Variants in UEVLD observed in about 807,000 individuals in gnomAD.
The protein encoded by UEVLD is UEV and lactate/malate dehyrogenase domains, also known as ubiquitin-conjugating enzyme E2 variant 3.
Under a neutral mutation model 58.6 loss-of-function variants are expected in UEVLD, and 47 were observed. The ratio of observed to expected loss-of-function variants is 0.80; its 90% CI spans 0.63 to 1.02. The LOEUF (loss-of-function observed/expected upper bound fraction) is 1.02. UEVLD is among the 50% of genes least tolerant of loss of function. The probability of loss-of-function intolerance (pLI) is 0.00; values close to 1 mark genes in which losing one functional copy is unlikely to be tolerated. For missense variants in UEVLD, 510 were observed against 550.6 expected, an observed-to-expected ratio of 0.93 and a Z score of 0.74; for synonymous variants, 197 against 195.3, an observed-to-expected ratio of 1.01 and a Z score of -0.07.
intron 3 of UEVLD, chr11:18,570,854 T>C (rs1020732042): frequency 7.3e-5 from 11 of 151,634 alleles, no homozygotes; most frequent in African/African-American, 2.7e-4. Flanking sequence ...CACATTCACA[T>C]TGGAAATATG....
In UEVLD at chr11:18,572,104, C is replaced by T. The variant is rs528018518; in HGVS notation, c.194-1727G>A. Among the ~76,000 whole-genome samples the T allele has an allele frequency of 3.3e-5, 5 of 152,068 alleles. No individual in the cohort carries two copies. The South Asian group carries it at 6.2e-4, about 19-fold the overall frequency. On this transcript the variant is annotated intron_variant, in intron 3 of 11. Transcript: ENST00000396197. ...ACAAAAAATTAGCCAGGTGTGGTGG[C>T]GGGCACCTGTAGTCCCAGCTCCTCA...
chr11:18,537,665 A>G (rs1343876093), intron 9 of UEVLD, among the ~76,000 whole-genome samples: 1 of 150,874 alleles, frequency 6.6e-6, no homozygotes, highest in Non-Finnish European at 1.5e-5. Context: ...TAATATTATT[A>G]TTATTATTAT....
intron 1 of UEVLD, among the ~76,000 whole-genome samples, chr11:18,586,964 G>A (rs1490427665): frequency 6.6e-6 from 1 of 152,126 alleles, no homozygotes; most frequent in Non-Finnish European, 1.5e-5. Context: ...CCCAGGAGGC[G>A]GAGATGGCAG....
intron 6 of UEVLD, among the ~76,000 whole-genome samples, chr11:18,560,121 A>ACG: frequency 1.1e-5 from 1 of 87,976 alleles, no homozygotes; most frequent in Non-Finnish European, 2.3e-5. Context: ...ACACACACAC[A>ACG]CACACACACA....
chr11:18,583,282 G>A (rs570359108), intron 1 of UEVLD, among the ~76,000 whole-genome samples: 101 of 146,446 alleles, frequency 6.9e-4, no homozygotes, highest in Non-Finnish European at 1.1e-3. Flanking sequence ...GTGCAGTGGC[G>A]CTATCTTGGC....
At chr11:18,559,402 T>C (rs977705383) in intron 6 of UEVLD, among the ~76,000 whole-genome samples, 1 of 152,072 alleles carries the variant, frequency 6.6e-6, no homozygotes, top group African/African-American at 2.4e-5. Context: ...TTTCACCATG[T>C]TGGCTAGGCT....
At chr11:18,562,058 G>A (rs1418864357) in intron 6 of UEVLD, among the ~76,000 whole-genome samples, 1 of 152,072 alleles carries the variant, frequency 6.6e-6, no homozygotes, top group Non-Finnish European at 1.5e-5. Flanking sequence ...ATTGTACTTT[G>A]TATCAAAATA....
rs866167096 is a variant in UEVLD, at chr11:18,538,149, T to C, written c.1061-1680A>G. The stretch of plus-strand genomic sequence containing the variant: ...AAGAATTCTAAACTACATTCAAAAT[T>C]AGACCACTTAGTCATGTGTCAGCAA... On this transcript the variant is annotated intron_variant, in intron 9 of 11. Coordinates refer to ENST00000396197, the MANE Select transcript of UEVLD (RefSeq NM_001040697.4). Among the ~76,000 whole-genome samples the C allele has an allele frequency of 4.6e-5, 7 of 152,224 alleles. No homozygotes were observed. The South Asian group carries it at 1.0e-3, about 23-fold the overall frequency.
rs1852303594 is a variant in UEVLD, at chr11:18,566,403, G to T, written c.437C>A (p.Ser146Ter). ...QEELPMYSLS[S>*]SDEARQVDLL... ...GTCTACCTGCCGTGCCTCATCAGAT[G>T]ATGATAGAGAATACATGGGAAGTTC... is the stretch of plus-strand genomic sequence containing the variant. The change falls in exon 5 of 12, where the codon TCA becomes TAA. Residue 146 changes from serine to a stop codon, truncating the protein, a stop_gained. Transcript: ENST00000396197. LOFTEE classifies it high-confidence loss of function. 6.2e-7 allele frequency: 1 copy of T among 1,614,122 alleles called. No homozygotes were observed. The highest frequency in any genetic ancestry group is 8.5e-7 in the Non-Finnish European group (1 of 1,180,022).
chr11:18,548,420 G>A (rs1270222338), intron 7 of UEVLD, among the ~76,000 whole-genome samples: 1 of 152,054 alleles, frequency 6.6e-6, no homozygotes, highest in African/African-American at 2.4e-5. Flanking sequence ...AAGCCTCTAA[G>A]GCCATCTTTC....
chr11:18,584,173 G>A (rs1853415761), intron 1 of UEVLD, among the ~76,000 whole-genome samples: 1 of 152,114 alleles, frequency 6.6e-6, no homozygotes, highest in South Asian at 2.1e-4. Flanking sequence ...GAGGCCAGTA[G>A]TTTTGAGACC....
At chr11:18,572,253 A>G (rs922357102) in intron 3 of UEVLD, among the ~76,000 whole-genome samples, 1 of 152,154 alleles carries the variant, frequency 6.6e-6, no homozygotes, top group Non-Finnish European at 1.5e-5. Flanking sequence ...AAGTAAAAGA[A>G]AAAAAGATTA....
At chr11:18,579,211 A>G (rs1853105232) in intron 1 of UEVLD, among the ~76,000 whole-genome samples, 1 of 152,120 alleles carries the variant, frequency 6.6e-6, no homozygotes, top group Non-Finnish European at 1.5e-5. Flanking sequence ...GTAGGCCCTG[A>G]GCTCTGCAAA....
intron 6 of UEVLD, among the ~76,000 whole-genome samples, chr11:18,558,634 A>C (rs566166673): frequency 6.6e-6 from 1 of 151,828 alleles, no homozygotes; most frequent in African/African-American, 2.4e-5. Context: ...AAATACAAAA[A>C]CCAGCCAGGC....
At chr11:18,542,881 TTTTC>T (rs1304600407) in intron 9 of UEVLD, among the ~76,000 whole-genome samples, 7 of 135,482 alleles carry the variant, frequency 5.2e-5, no homozygotes, top group Admixed American at 3.1e-4. Flanking sequence ...AGTTATTTTC[TTTTC>T]TTTTCTTTTT....
In UEVLD at chr11:18,575,335, T is replaced by C; in HGVS notation, c.193+12A>G. The C allele has an allele frequency of 6.3e-7, 1 of 1,595,626 alleles. No individual in the cohort carries two copies. Among genetic ancestry groups the C allele is most frequent in the Non-Finnish European group, 8.5e-7 (1 of 1,175,566 alleles). ...TAGAAAACTCACACATTTTTTCAAC[T>C]TCCACACTTACCCTGATACATCACA... On this transcript the variant is annotated intron_variant, in intron 3 of 11. Transcript: ENST00000396197.
At chr11:18,536,496 G>A (rs375510494) in intron 9 of UEVLD, 27 bp from the exon 10 acceptor site, 7 of 1,586,468 alleles carry the variant, frequency 4.4e-6, no homozygotes, top group African/African-American at 4.0e-5. Context: ...AATTAATTAT[G>A]TTTTGCCAGT....
intron 9 of UEVLD, among the ~76,000 whole-genome samples, chr11:18,542,108 A>C (rs1016207690): frequency 1.3e-5 from 2 of 152,290 alleles, no homozygotes; most frequent in African/African-American, 4.8e-5. Context: ...AAGTTTTTGA[A>C]AATAATAACA....
chr11:18,559,756 T>C (rs1046609008), intron 6 of UEVLD, among the ~76,000 whole-genome samples: 1 of 152,130 alleles, frequency 6.6e-6, no homozygotes, highest in Non-Finnish European at 1.5e-5. Context: ...AGAGATCTCA[T>C]GGAAAATACT....
Sources: gnomAD v4.1 joint callset for allele counts (sites outside exome capture counted in the v4.1 genomes callset) on GRCh38, gnomAD v4.1.1 for gene constraint, MANE v1.5 for transcripts, NCBI Gene and HGNC (gene_info 2026-07-23, HGNC 2026-07-21) for gene names.